The following KCNK10 variants were observed in gnomAD, a reference collection of about 807,000 sequenced individuals.
KCNK10 encodes the protein potassium two pore domain channel subfamily K member 10, also known as potassium channel subfamily K member 10.
Under a neutral mutation model 47.7 loss-of-function variants are expected in KCNK10, and 25 were observed. The ratio of observed to expected loss-of-function variants is 0.52; its 90% CI spans 0.38 to 0.73. The LOEUF is 0.73. Among genes scored for constraint, KCNK10 ranks in the 30% least tolerant of loss-of-function variants. The pLI, the probability that KCNK10 is intolerant of heterozygous loss-of-function variation, is 0.00. For missense variants in KCNK10, 563 were observed against 714.5 expected, an observed-to-expected ratio of 0.79 and a Z score of 2.42; for synonymous variants, 303 against 285.6, an observed-to-expected ratio of 1.06 and a Z score of -0.61.
intron 4 of KCNK10, among the ~76,000 whole-genome samples, chr14:88,220,957 A>G (rs1165580427): frequency 6.6e-6 from 1 of 151,830 alleles, no homozygotes; most frequent in East Asian, 1.9e-4. Flanking sequence ...CAAAGGATAT[A>G]CTAGATAAAA....
chr14:88,278,494 T>C (rs1271764959), intron 1 of KCNK10, among the ~76,000 whole-genome samples: 2 of 151,976 alleles, frequency 1.3e-5, no homozygotes, highest in African/African-American at 2.4e-5. Flanking sequence ...CATAGTAGAG[T>C]TCCCTAAATT....
At chr14:88,274,490 G>A (rs773259338) in intron 1 of KCNK10, among the ~76,000 whole-genome samples, 2 of 125,580 alleles carry the variant, frequency 1.6e-5, no homozygotes, top group Non-Finnish European at 1.6e-5. Flanking sequence ...GGAGGAGGTT[G>A]CAGTGAGTCG....
At chr14:88,196,843 A>G (rs2139833169) in intron 4 of KCNK10, among the ~76,000 whole-genome samples, 1 of 152,322 alleles carries the variant, frequency 6.6e-6, no homozygotes. Context: ...TTTTCTTATA[A>G]CATGTTTTCT....
rs527802877 is a variant in KCNK10 at position 88,233,861 on chromosome 14, C to T, written c.521-6326G>A. ...TGCAGCAGACAGATCATTCATTTAG[C>T]CATGTCATGAAACAAGAAAATTAGG... On this transcript the variant is annotated intron_variant, in intron 3 of 6. Transcript: ENST00000319231. Among the ~76,000 whole-genome samples the T allele has an allele frequency of 3.3e-5, 5 of 152,282 alleles. No homozygotes were observed. The East Asian group carries it at 9.6e-4, about 29-fold the overall frequency.
intron 4 of KCNK10, among the ~76,000 whole-genome samples, chr14:88,219,247 A>G (rs912303864): frequency 6.6e-6 from 1 of 152,228 alleles, no homozygotes; most frequent in African/African-American, 2.4e-5. Flanking sequence ...GAACATGACT[A>G]TACCAGTGCG....
At chr14:88,251,109 T>C (rs1210139295) in intron 2 of KCNK10, among the ~76,000 whole-genome samples, 1 of 151,678 alleles carries the variant, frequency 6.6e-6, no homozygotes, top group Non-Finnish European at 1.5e-5. Context: ...GGTGCACACC[T>C]GTAGTCCCAG....
chr14:88,222,727 T>C (rs1396743389), intron 4 of KCNK10, among the ~76,000 whole-genome samples: 2 of 152,164 alleles, frequency 1.3e-5, no homozygotes, highest in Non-Finnish European at 2.9e-5. Flanking sequence ...AAGATAAATT[T>C]TAAGGGAGTT....
intron 1 of KCNK10, among the ~76,000 whole-genome samples, chr14:88,318,072 G>C (rs1034794149): frequency 6.6e-6 from 1 of 152,226 alleles, no homozygotes; most frequent in African/African-American, 2.4e-5. Context: ...GACGAGAAAA[G>C]AAGGAAAACA....
At chr14:88,218,932 T>C (rs375316258) in intron 4 of KCNK10, among the ~76,000 whole-genome samples, 33 of 152,198 alleles carry the variant, frequency 2.2e-4, no homozygotes, top group African/African-American at 7.5e-4. Context: ...TTAATTAGTA[T>C]GGTATACTAA....
In KCNK10 at chr14:88,183,399, G is replaced by C. The variant is rs2139816234; in HGVS notation, c.*2136C>G. ...TACAAAGAACGTACCAGATAACACA[G>C]AGTGGAAACCAAATAAGTGAGATCC... On this transcript the variant is annotated 3_prime_UTR_variant, in exon 7 of 7. Coordinates refer to ENST00000319231, the MANE Select transcript of KCNK10 (RefSeq NM_138317.3). 1 of 152,512 alleles carries C rather than the reference G, an allele frequency of 6.6e-6. No homozygotes were observed. Among genetic ancestry groups the C allele is most frequent in the East Asian group, 1.9e-4 (1 of 5,324 alleles). 9.4% of individuals were successfully genotyped at this position (152,512 alleles called of 1,614,324 possible). A position where few individuals can be genotyped will look rare whatever the true frequency, so the allele number is the denominator to read the frequency against.
rs539720669 is a variant in KCNK10, at chr14:88,310,284, T to G, written c.52+12463A>C. Among the ~76,000 whole-genome samples the G allele has an allele frequency of 8.2e-5, 7 of 85,210 alleles. No individual in the cohort carries two copies. In the East Asian group the frequency reaches 2.7e-3, roughly 33 times the overall value. 55.9% of individuals were successfully genotyped at this position (85,210 alleles called of 152,430 possible). A position where few individuals can be genotyped will look rare whatever the true frequency, so the allele number is the denominator to read the frequency against. On this transcript the variant is annotated intron_variant, in intron 1 of 6. Transcript: ENST00000319231. ...ATGGTATATCATAATTACTTGATGA[T>G]GCACCTGTCTCAGTGGCTAGGCTGT...
intron 2 of KCNK10, among the ~76,000 whole-genome samples, chr14:88,262,377 C>G (rs1355044005): frequency 6.6e-6 from 1 of 152,214 alleles, no homozygotes; most frequent in Admixed American, 6.5e-5. Flanking sequence ...TCCCTTTCTT[C>G]CTCGTGGGAA....
chr14:88,242,195 T>C (rs1886498833), intron 2 of KCNK10, among the ~76,000 whole-genome samples: 1 of 152,202 alleles, frequency 6.6e-6, no homozygotes, highest in Non-Finnish European at 1.5e-5. Context: ...CATACAGTGG[T>C]TGTCACAAAT....
intron 4 of KCNK10, among the ~76,000 whole-genome samples, chr14:88,207,111 T>C (rs1885298384): frequency 1.3e-5 from 2 of 152,148 alleles, no homozygotes; most frequent in African/African-American, 4.8e-5. Context: ...TAAGAACTTT[T>C]TTTCCCCATT....
chr14:88,312,542 G>T (rs1254756553), intron 1 of KCNK10, among the ~76,000 whole-genome samples: 1 of 152,148 alleles, frequency 6.6e-6, no homozygotes, highest in Non-Finnish European at 1.5e-5. Flanking sequence ...CTACTGCTCG[G>T]CCTGGAGGCC....
chr14:88,266,121 C>T (rs1034973463), intron 1 of KCNK10, among the ~76,000 whole-genome samples: 17 of 152,148 alleles, frequency 1.1e-4, no homozygotes. Flanking sequence ...ACCTCTGCAC[C>T]CCTAGTGTTC....
At chr14:88,326,473 C>T, upstream of KCNK10, 5 of 1,610,302 alleles carry the variant, frequency 3.1e-6, no homozygotes, top group Non-Finnish European at 4.2e-6. Flanking sequence ...AGATGCCGCT[C>T]CAAGCGGTTC....
At chr14:88,263,847 T>C (rs1181478399) in intron 1 of KCNK10, among the ~76,000 whole-genome samples, 1 of 152,238 alleles carries the variant, frequency 6.6e-6, no homozygotes, top group Non-Finnish European at 1.5e-5. Flanking sequence ...CTGCCATTTA[T>C]AATTCACCTC....
rs56093808 is a variant in KCNK10 at position 88,187,627 on chromosome 14, C to G, written c.1011+340G>C. On this transcript the variant is annotated intron_variant, in intron 6 of 6. Transcript: ENST00000319231. ...CTGAGACCGGAAGGACAGGCTGCACCCCCCCACACACACACTCAGCCATAG... is the reference window on the plus strand; with the variant it reads ...CTGAGACCGGAAGGACAGGCTGCACGCCCCCACACACACACTCAGCCATAG... Among the ~76,000 whole-genome samples, 5 of 105,538 alleles carry G rather than the reference C, an allele frequency of 4.7e-5. No individual in the cohort carries two copies. In the South Asian group the frequency reaches 1.4e-3, roughly 30 times the overall value. 69.2% of individuals were successfully genotyped at this position (105,538 alleles called of 152,430 possible). A position where few individuals can be genotyped will look rare whatever the true frequency, so the allele number is the denominator to read the frequency against.
Sources: allele counts gnomAD v4.1 joint callset (sites outside exome capture counted in the v4.1 genomes callset), GRCh38; gene constraint gnomAD v4.1.1; transcripts MANE v1.5; gene names NCBI Gene and HGNC (gene_info 2026-07-23, HGNC 2026-07-21).